Variants in TOM1L1 observed in about 807,000 individuals in gnomAD.
TOM1L1 encodes target of myb1 like 1 membrane trafficking protein, also known as TOM1-like protein 1.
A neutral mutation model predicts 63.4 loss-of-function variants in TOM1L1; 64 were observed. The observed-to-expected ratio is 1.01, with a 90% CI of 0.83 to 1.24. The LOEUF is 1.24. Ranked by LOEUF, TOM1L1 falls within the 50% of genes most tolerant of loss-of-function variation. The pLI, the probability that TOM1L1 is intolerant of heterozygous loss-of-function variation, is 0.00. For synonymous variants in TOM1L1, 166 were observed against 194.4 expected, an observed-to-expected ratio of 0.85 and a Z score of 1.22; for missense variants, 536 against 567.0, an observed-to-expected ratio of 0.95 and a Z score of 0.55.
chr17:54,922,633 T>A lies in TOM1L1; in HGVS notation c.720+6771T>A, dbSNP rs146421139. Among the ~76,000 whole-genome samples the A allele has an allele frequency of 4.7e-3, 715 of 152,214 alleles. 6 individuals are homozygous for A. The highest frequency in any genetic ancestry group is 0.016 in the African/African-American group (679 of 41,528). On this transcript the variant is annotated intron_variant, in intron 7 of 15. Coordinates refer to ENST00000575882, the MANE Select transcript of TOM1L1 (RefSeq NM_005486.3). Reference sequence around the variant, plus strand: ...AAAAGAAAAATTTCTTTAAGAAAATTATAAGGAAGAGAACATATATTTACT... The same window carrying A: ...AAAAGAAAAATTTCTTTAAGAAAATAATAAGGAAGAGAACATATATTTACT...
At chr17:54,902,707 C>G (rs1222933930) in intron 1 of TOM1L1, among the ~76,000 whole-genome samples, 1 of 152,184 alleles carries the variant, frequency 6.6e-6, no homozygotes, top group African/African-American at 2.4e-5. Flanking sequence ...CCCCAGAACC[C>G]GGTGTTTTCA....
Position 54,910,276 on chromosome 17 carries a change from C to T in TOM1L1, c.223-2390C>T, listed in dbSNP as rs1019900606. 3.3e-5 allele frequency among the ~76,000 whole-genome samples: 5 copies of T among 152,142 alleles called. No individual in the cohort carries two copies. In the East Asian group the frequency reaches 7.7e-4, roughly 24 times the overall value. On this transcript the variant is annotated intron_variant, in intron 3 of 15. Transcript: ENST00000575882. ...TTTGAGACCAGCCTGGCCAGTATGG[C>T]GAAAACCCATGTCTACTAAAAATAC...
chr17:54,945,416 C>T (rs1439249147), intron 11 of TOM1L1, among the ~76,000 whole-genome samples: 1 of 152,192 alleles, frequency 6.6e-6, no homozygotes, highest in Non-Finnish European at 1.5e-5. Context: ...GGCTTTATGT[C>T]TTTCACCAAA....
chr17:54,909,991 A>G (rs188947741), intron 3 of TOM1L1, among the ~76,000 whole-genome samples: 302 of 152,332 alleles, frequency 2.0e-3, no homozygotes, highest in Middle Eastern at 6.8e-3. Context: ...GGTGATGTAG[A>G]ATTAATTAGT....
At chr17:54,920,005 T>G (rs539527504) in intron 7 of TOM1L1, among the ~76,000 whole-genome samples, 2,358 of 150,092 alleles carry the variant, frequency 0.016, 32 homozygotes, top group African/African-American at 0.039. Flanking sequence ...TTTATTTATT[T>G]ATTTTATTTA....
chr17:54,914,782 C>T (rs1175684894), intron 6 of TOM1L1, 39 bp downstream of exon 6: 1 of 1,514,062 alleles, frequency 6.6e-7, no homozygotes, highest in Non-Finnish European at 9.2e-7. Context: ...GATGTCTTTT[C>T]CTGATTTGTA....
chr17:54,907,707 A>G (rs934210736), intron 3 of TOM1L1, among the ~76,000 whole-genome samples: 2 of 151,828 alleles, frequency 1.3e-5, no homozygotes, highest in Non-Finnish European at 2.9e-5. Context: ...TGTACCCTCA[A>G]ATATAGTATA....
In TOM1L1 at chr17:54,961,832, T is replaced by C. The variant is rs1250003708; in HGVS notation, c.*599T>C. ...TGGGCAGCCTTTAAATATGATTCTT[T>C]GTAATGCTAAATAGCCTTTTTTTCT... On this transcript the variant is annotated 3_prime_UTR_variant, in exon 16 of 16. Transcript: ENST00000575882. 4.4e-5 allele frequency: 43 copies of C among 983,936 alleles called. No individual in the cohort carries two copies. Among genetic ancestry groups the C allele is most frequent in the Non-Finnish European group, 5.2e-5 (43 of 828,222 alleles). The allele number at this position is 983,936 out of a possible 1,614,324, so 61.0% of individuals were successfully genotyped here. A position where few individuals can be genotyped will look rare whatever the true frequency, so the allele number is the denominator to read the frequency against.
At chr17:54,956,472 A>AT (rs918263213) in intron 14 of TOM1L1, among the ~76,000 whole-genome samples, 12 of 151,754 alleles carry the variant, frequency 7.9e-5, no homozygotes, top group Non-Finnish European at 1.5e-4. Flanking sequence ...CGCCTGGCTA[A>AT]TTTTTTTGTA....
intron 11 of TOM1L1, 23 bp from the exon 12 acceptor site, chr17:54,947,238 T>C: frequency 1.9e-6 from 3 of 1,613,240 alleles, no homozygotes; most frequent in Non-Finnish European, 2.5e-6. Context: ...GGGTAATCAT[T>C]CTGTGTTATC....
chr17:54,938,596 T>C (rs1001993984), intron 10 of TOM1L1: 8 of 197,334 alleles, frequency 4.1e-5, no homozygotes, highest in Middle Eastern at 1.8e-3. Context: ...CAGAACAAGA[T>C]GTAAAATCCT....
intron 11 of TOM1L1, among the ~76,000 whole-genome samples, chr17:54,945,582 G>A (rs934849048): frequency 6.6e-6 from 1 of 152,028 alleles, no homozygotes. Context: ...GCTTCTCTCT[G>A]TTTAGATTGG....
intron 10 of TOM1L1, chr17:54,937,531 C>T: frequency 3.2e-6 from 1 of 316,204 alleles, no homozygotes; most frequent in Non-Finnish European, 6.0e-6. Context: ...CTACTGTGAA[C>T]CTACACACTA....
intron 11 of TOM1L1, among the ~76,000 whole-genome samples, chr17:54,943,441 GGTGTGT>G (rs10694555): frequency 1.4e-3 from 192 of 134,438 alleles, no homozygotes; most frequent in Middle Eastern, 3.9e-3. Context: ...TTTGTATAAT[GGTGTGT>G]GTGTGTGTGT....
At chr17:54,920,185 A>C (rs1598018488) in intron 7 of TOM1L1, among the ~76,000 whole-genome samples, 1 of 152,154 alleles carries the variant, frequency 6.6e-6, no homozygotes, top group East Asian at 1.9e-4. Context: ...GGGCTTTTGG[A>C]GGCTTCAGCA....
intron 5 of TOM1L1, 146 bp from the exon 6 acceptor site, chr17:54,914,493 A>T (rs1003657991): frequency 9.7e-6 from 6 of 618,512 alleles, no homozygotes; most frequent in Middle Eastern, 3.2e-4. Context: ...AAAATGCTGG[A>T]CGGGTTGTGT....
intron 14 of TOM1L1, chr17:54,954,634 C>G (rs550997540): frequency 2.0e-5 from 3 of 152,240 alleles, no homozygotes; most frequent in African/African-American, 7.2e-5. Context: ...TTCCAGTCCC[C>G]GAGTAGAGTT....
intron 7 of TOM1L1, among the ~76,000 whole-genome samples, chr17:54,924,876 G>T (rs1476651694): frequency 6.6e-6 from 1 of 152,188 alleles, no homozygotes; most frequent in Non-Finnish European, 1.5e-5. Flanking sequence ...ATGGCTGGTT[G>T]TCCAAATAAC....
intron 3 of TOM1L1, among the ~76,000 whole-genome samples, chr17:54,908,982 G>T (rs996072669): frequency 6.6e-6 from 1 of 152,184 alleles, no homozygotes; most frequent in Non-Finnish European, 1.5e-5. Context: ...TATCAGGCTG[G>T]GTGCAGTGGC....
Sources: allele counts gnomAD v4.1 joint callset (sites outside exome capture counted in the v4.1 genomes callset), GRCh38; gene constraint gnomAD v4.1.1; transcripts MANE v1.5; gene names NCBI Gene and HGNC (gene_info 2026-07-23, HGNC 2026-07-21).